Variants in CDH2 observed in about 807,000 individuals in gnomAD.
The protein encoded by CDH2 is cadherin 2.
In CDH2, 17 loss-of-function variants were observed where a neutral mutation model predicts 92.0. That is an observed-to-expected ratio of 0.18 (90% CI 0.13 to 0.28). The LOEUF (loss-of-function observed/expected upper bound fraction) is 0.28, where lower values mean the gene tolerates loss of function less well. CDH2 is among the 10% of genes least tolerant of loss of function. The pLI, the probability that CDH2 is intolerant of heterozygous loss-of-function variation, is 1.00. For synonymous variants in CDH2, 419 were observed against 415.9 expected, an observed-to-expected ratio of 1.01 and a Z score of -0.09; for missense variants, 862 against 1,133.1, an observed-to-expected ratio of 0.76 and a Z score of 3.44.
chr18:28,094,657 G>T (rs879838751), intron 2 of CDH2, among the ~76,000 whole-genome samples: 1 of 151,816 alleles, frequency 6.6e-6, no homozygotes, highest in Admixed American at 6.6e-5. Context: ...AGACAGGTGT[G>T]GTGGCGGGCG....
At chr18:28,131,550 T>G (rs2015769984) in intron 2 of CDH2, among the ~76,000 whole-genome samples, 1 of 152,188 alleles carries the variant, frequency 6.6e-6, no homozygotes, top group African/African-American at 2.4e-5. Context: ...ATTTTTTTCC[T>G]GTACTCTCCA....
chr18:27,969,404 T>C (rs771868962), intron 14 of CDH2, among the ~76,000 whole-genome samples: 3 of 152,224 alleles, frequency 2.0e-5, no homozygotes, highest in Non-Finnish European at 4.4e-5. Context: ...TGCTGACATG[T>C]CAGTTTCCTT....
Position 27,952,161 on chromosome 18 carries a change from C to A in CDH2, c.2713G>T (p.Asp905Tyr). ...CAAGTTCACCCTGAAGTTCAGTCAT[C>A]ACCTCCACCATACATGTCAGCAAGT... ...KKLADMYGGG[D>Y]D The change falls in exon 16 of 16, where the codon GAT (aspartate) becomes TAT (tyrosine). Residue 905 changes from aspartate to tyrosine, a missense_variant. Coordinates refer to ENST00000269141, the MANE Select transcript of CDH2 (RefSeq NM_001792.5). 1.2e-6 allele frequency: 2 copies of A among 1,613,330 alleles called. No individual in the cohort carries two copies. Among genetic ancestry groups the A allele is most frequent in the Non-Finnish European group, 1.7e-6 (2 of 1,179,442 alleles).
At chr18:28,030,993 A>C (rs1351457473) in intron 2 of CDH2, among the ~76,000 whole-genome samples, 1 of 151,676 alleles carries the variant, frequency 6.6e-6, no homozygotes, top group Admixed American at 6.6e-5. Context: ...CATGCTAGGT[A>C]ATTTTAACCA....
Position 27,963,532 on chromosome 18 carries a change from A to G in CDH2, c.2350-11T>C. The G allele has an allele frequency of 6.2e-7, 1 of 1,612,842 alleles. No homozygotes were observed. Among genetic ancestry groups the G allele is most frequent in the Non-Finnish European group, 8.5e-7 (1 of 1,179,154 alleles). On this transcript the variant is annotated splice_polypyrimidine_tract_variant and intron_variant, in intron 14 of 15. Coordinates refer to ENST00000269141, the MANE Select transcript of CDH2 (RefSeq NM_001792.5). Reference sequence around the variant, plus strand: ...GCTCAAGTCATAGTCCTGCAAAAAGACAAAATCAAAAACCGATGGGAGATG... The same window carrying G: ...GCTCAAGTCATAGTCCTGCAAAAAGGCAAAATCAAAAACCGATGGGAGATG...
chr18:28,030,324 T>G (rs1268594431), intron 2 of CDH2, among the ~76,000 whole-genome samples: 1 of 152,052 alleles, frequency 6.6e-6, no homozygotes, highest in East Asian at 1.9e-4. Flanking sequence ...GTAAATTTTT[T>G]GTCTAAAAAA....
At chr18:27,964,392 T>C (rs1391512933) in intron 14 of CDH2, among the ~76,000 whole-genome samples, 3 of 152,162 alleles carry the variant, frequency 2.0e-5, no homozygotes, top group African/African-American at 7.2e-5. Context: ...GTGGAAATAA[T>C]CCACATTTAA....
chr18:28,003,716 T>C (rs1012832833), intron 6 of CDH2, among the ~76,000 whole-genome samples: 2 of 152,214 alleles, frequency 1.3e-5, no homozygotes, highest in African/African-American at 4.8e-5. Context: ...GTACATTGCA[T>C]AGAGATTTGG....
In CDH2 at chr18:28,091,023, T is replaced by C. The variant is rs1018475775; in HGVS notation, c.172+56650A>G. The stretch of plus-strand genomic sequence containing the variant: ...ATGCTAGTCCTCCGGGCAGTTTACA[T>C]TGATTTTGCATTTAATTGCATAGGC... On this transcript the variant is annotated intron_variant, in intron 2 of 15. Coordinates refer to ENST00000269141, the MANE Select transcript of CDH2 (RefSeq NM_001792.5). Among the ~76,000 whole-genome samples the C allele has an allele frequency of 7.9e-5, 12 of 152,210 alleles. No homozygotes were observed. The South Asian group carries it at 1.7e-3, about 21-fold the overall frequency.
At chr18:28,082,121 TAA>T (rs1250035435) in intron 2 of CDH2, among the ~76,000 whole-genome samples, 1 of 152,134 alleles carries the variant, frequency 6.6e-6, no homozygotes, top group Non-Finnish European at 1.5e-5. Context: ...TTAGGATTTC[TAA>T]AAAGTGTTTA....
intron 15 of CDH2, among the ~76,000 whole-genome samples, chr18:27,953,279 A>G (rs1909552969): frequency 6.6e-6 from 1 of 152,162 alleles, no homozygotes; most frequent in South Asian, 2.1e-4. Flanking sequence ...CTATATTTGT[A>G]ACTTTTGTAA....
In CDH2 at chr18:28,078,316, CAAAGT is replaced by C. The variant is rs975980843; in HGVS notation, c.173-64412_173-64408del. Among the ~76,000 whole-genome samples, 196 of 152,168 alleles carry C rather than the reference CAAAGT, an allele frequency of 1.3e-3. 1 individual carries two copies. The highest frequency in any genetic ancestry group is 4.6e-3 in the African/African-American group (190 of 41,526). On this transcript the variant is annotated intron_variant, in intron 2 of 15. Coordinates refer to ENST00000269141, the MANE Select transcript of CDH2 (RefSeq NM_001792.5). ...CACTATATGATTTAATATATATAAG[CAAAGT>C]AGTGATGTACACATATAAACGAAAA...
intron 8 of CDH2, 141 bp from the exon 9 acceptor site, chr18:27,992,981 A>C: frequency 1.9e-6 from 1 of 539,334 alleles, no homozygotes; most frequent in Non-Finnish European, 3.2e-6. Context: ...TAATGCAGGT[A>C]ATCACAGCAT....
chr18:27,987,113 AT>A lies in CDH2; in HGVS notation c.1742-1353del, dbSNP rs1599012270. Among the ~76,000 whole-genome samples, 4 of 152,196 alleles carry A rather than the reference AT, an allele frequency of 2.6e-5. No individual in the cohort carries two copies. The East Asian group carries it at 5.8e-4, about 22-fold the overall frequency. On this transcript the variant is annotated intron_variant, in intron 11 of 15. Coordinates refer to ENST00000269141, the MANE Select transcript of CDH2 (RefSeq NM_001792.5). Reference sequence around the variant, plus strand: ...ATTAGAAAACAATCCTTCCTGGTGAATGAGAAATCTGGTTGTAACTCACAAC... The same window carrying A: ...ATTAGAAAACAATCCTTCCTGGTGAAGAGAAATCTGGTTGTAACTCACAAC...
chr18:28,133,195 G>A (rs767123395), intron 2 of CDH2, among the ~76,000 whole-genome samples: 75 of 152,150 alleles, frequency 4.9e-4, no homozygotes, highest in Non-Finnish European at 1.2e-4. Flanking sequence ...TATGCTTTCA[G>A]TAAATCACTT....
chr18:27,955,019 C>A (rs1403204152), intron 15 of CDH2, among the ~76,000 whole-genome samples: 3 of 152,132 alleles, frequency 2.0e-5, no homozygotes, highest in Non-Finnish European at 4.4e-5. Context: ...AGGGAAATTC[C>A]TGATAAGGAG....
At chr18:28,168,339 A>G (rs542830928) in intron 1 of CDH2, among the ~76,000 whole-genome samples, 4 of 152,302 alleles carry the variant, frequency 2.6e-5, no homozygotes, top group South Asian at 2.1e-4. Flanking sequence ...AGATGTGGAC[A>G]TGTATATTAA....
chr18:28,147,612 T>C (rs2144326978), intron 2 of CDH2, 61 bp downstream of exon 2: 1 of 1,029,402 alleles, frequency 9.7e-7, no homozygotes, highest in South Asian at 1.4e-5. Flanking sequence ...GCTTTTTTAA[T>C]GGCTAATTTG....
intron 14 of CDH2, among the ~76,000 whole-genome samples, chr18:27,967,402 A>C (rs2011557075): frequency 6.6e-6 from 1 of 152,178 alleles, no homozygotes; most frequent in Non-Finnish European, 1.5e-5. Flanking sequence ...TAAACACACA[A>C]ATGACAACAT....
Sources: allele counts gnomAD v4.1 joint callset (sites outside exome capture counted in the v4.1 genomes callset), GRCh38; gene constraint gnomAD v4.1.1; transcripts MANE v1.5; gene names NCBI Gene and HGNC (gene_info 2026-07-23, HGNC 2026-07-21).